The following SP100 variants were observed in gnomAD, a reference collection of about 807,000 sequenced individuals.
SP100 encodes SP100 nuclear body protein, also known as nuclear autoantigen Sp-100.
A neutral mutation model predicts 130.0 loss-of-function variants in SP100; 84 were observed. That is an observed-to-expected ratio of 0.65 (90% CI 0.54 to 0.77). SP100 has a LOEUF of 0.77. Among genes scored for constraint, SP100 ranks in the 30% least tolerant of loss-of-function variants. The pLI, the probability that SP100 is intolerant of heterozygous loss-of-function variation, is 0.00. For missense variants in SP100, 978 were observed against 1,052.2 expected (o/e 0.93, Z 0.97); for synonymous variants, 331 against 351.7 (o/e 0.94, Z 0.66).
At chr2:230,486,038 G>A (rs926842391) in intron 17 of SP100, among the ~76,000 whole-genome samples, 1 of 149,822 alleles carries the variant, frequency 6.7e-6, no homozygotes, top group Non-Finnish European at 1.5e-5. Flanking sequence ...TCACACTGTT[G>A]TAAAGATCTA....
intron 24 of SP100, chr2:230,515,287 T>A (rs1163218048): frequency 6.2e-7 from 1 of 1,611,388 alleles, no homozygotes; most frequent in South Asian, 1.1e-5. Context: ...AAAAAAGAAG[T>A]TCAAGGATCC....
At chr2:230,510,890 G>T in intron 23 of SP100, 1 of 565,202 alleles carries the variant, frequency 1.8e-6, no homozygotes, top group East Asian at 3.0e-5. Flanking sequence ...TTTCACGAAG[G>T]CCTGCCTTGG....
chr2:230,462,355 C>T, intron 9 of SP100, 80 bp from the exon 10 acceptor site: 1 of 1,079,488 alleles, frequency 9.3e-7, no homozygotes, highest in Non-Finnish European at 1.4e-6. Flanking sequence ...CTTCCTAGTG[C>T]TCTCATTGTG....
At chr2:230,432,174 C>T (rs866126802) in intron 2 of SP100, among the ~76,000 whole-genome samples, 1 of 152,160 alleles carries the variant, frequency 6.6e-6, no homozygotes, top group Non-Finnish European at 1.5e-5. Context: ...TTTCATCGAA[C>T]GTAATATTTT....
chr2:230,519,336 T>C (rs1347917202), intron 24 of SP100, among the ~76,000 whole-genome samples: 2 of 152,242 alleles, frequency 1.3e-5, no homozygotes, highest in Admixed American at 6.5e-5. Flanking sequence ...AAGCTTGCAA[T>C]AACTCATCGG....
intron 19 of SP100, among the ~76,000 whole-genome samples, chr2:230,502,101 C>A (rs1480850738): frequency 6.7e-6 from 1 of 149,610 alleles, no homozygotes; most frequent in African/African-American, 2.5e-5. Flanking sequence ...TGGTTTTGAA[C>A]TCCTGACCTC....
rs756432854 is a variant in SP100, at chr2:230,466,263, T to TG, written c.1142-37dup. On this transcript the variant is annotated intron_variant, in intron 11 of 28. Coordinates refer to ENST00000340126, the MANE Select transcript of SP100 (RefSeq NM_001080391.2). The stretch of plus-strand genomic sequence containing the variant: ...GTTGTCATAGAATTTATAAGTCTCT[T>TG]GCATACAAATAACGGGTTTCTCCCT... 3 of 1,203,136 alleles carry TG rather than the reference T, an allele frequency of 2.5e-6. No individual in the cohort carries two copies. In the African/African-American group the frequency reaches 4.6e-5, roughly 18 times the overall value. 74.5% of individuals were successfully genotyped at this position (1,203,136 alleles called of 1,614,324 possible).
At position 230,417,519 on chromosome 2, in the gene SP100, A is replaced by G. The variant is rs76684240; in HGVS notation, c.33-72A>G. 3,571 of 1,548,306 alleles carry G rather than the reference A, an allele frequency of 2.3e-3. 66 individuals carry two copies. In the African/African-American group the frequency reaches 0.043, roughly 19 times the overall value. On this transcript the variant is annotated intron_variant, in intron 1 of 28. Transcript: ENST00000340126. ...CTAAACAAATATTTATCTTGTCTCT[A>G]AACCTTAAAAATGTAATTATTGAGG...
intron 24 of SP100, chr2:230,538,037 A>AT (rs1692014457): frequency 1.3e-5 from 2 of 152,238 alleles, no homozygotes; most frequent in African/African-American, 4.8e-5. Context: ...GTTCTCAACT[A>AT]TTGACTGCAC....
intron 24 of SP100, among the ~76,000 whole-genome samples, chr2:230,528,874 C>T (rs926934496): frequency 6.6e-6 from 1 of 152,116 alleles, no homozygotes; most frequent in Non-Finnish European, 1.5e-5. Flanking sequence ...AAAGACTAAA[C>T]CAGGAAAAAG....
At chr2:230,519,463 C>T (rs938764756) in intron 24 of SP100, among the ~76,000 whole-genome samples, 6 of 152,126 alleles carry the variant, frequency 3.9e-5, no homozygotes, top group African/African-American at 1.2e-4. Context: ...AACGTAAATA[C>T]GTTTTCCCCC....
intron 24 of SP100, among the ~76,000 whole-genome samples, chr2:230,520,968 C>A (rs1691144973): frequency 1.3e-5 from 2 of 152,186 alleles, no homozygotes; most frequent in African/African-American, 4.8e-5. Flanking sequence ...AGTCAGCACC[C>A]TTTTCAGGGT....
intron 8 of SP100, among the ~76,000 whole-genome samples, chr2:230,458,432 T>C (rs575935409): frequency 1.4e-4 from 21 of 152,108 alleles, no homozygotes; most frequent in South Asian, 8.3e-4. Context: ...GTCTGAGGGG[T>C]GGCAGAGGTG....
intron 8 of SP100, among the ~76,000 whole-genome samples, chr2:230,450,852 T>C (rs1488400591): frequency 6.6e-6 from 1 of 152,198 alleles, no homozygotes; most frequent in African/African-American, 2.4e-5. Flanking sequence ...ATGTATTTCA[T>C]TGTGTATATA....
At position 230,506,362 on chromosome 2, in the gene SP100, G is replaced by T. The variant is rs1690105687; in HGVS notation, c.1930G>T (p.Glu644Ter). The T allele has an allele frequency of 7.4e-6, 12 of 1,614,006 alleles. No homozygotes were observed. Among genetic ancestry groups the T allele is most frequent in the Non-Finnish European group, 1.0e-5 (12 of 1,179,868 alleles). The change falls in exon 22 of 29, where the codon GAA becomes TAA. Residue 644 changes from glutamate (E) to a stop codon, truncating the protein, a stop_gained. Transcript: ENST00000340126. LOFTEE classifies it high-confidence loss of function. ...DKKWFTPREF[E>*]IEGDRGASKN... ...AAAGTGGTTCACTCCCAGGGAATTT[G>T]AAATTGAAGGAGACCGCGGAGCATC...
At chr2:230,444,096 A>G (rs2063584587) in intron 3 of SP100, 82 bp from the exon 4 acceptor site, 10 of 1,032,326 alleles carry the variant, frequency 9.7e-6, no homozygotes, top group Non-Finnish European at 1.4e-5. Context: ...ATTAGAATAC[A>G]GTAACCATAG....
chr2:230,468,491 G>C lies in SP100; in HGVS notation c.1292-552G>C, dbSNP rs575771323. Among the ~76,000 whole-genome samples, 545 of 152,146 alleles carry C rather than the reference G, an allele frequency of 3.6e-3. 2 individuals carry two copies. The highest frequency in any genetic ancestry group is 0.012 in the African/African-American group (513 of 41,502). On this transcript the variant is annotated intron_variant, in intron 13 of 28. Coordinates refer to ENST00000340126, the MANE Select transcript of SP100 (RefSeq NM_001080391.2). ...CCAAATTAGTTAGCTGCAAACCTAT[G>C]AAAACAATACTGGTTATTAAAATAT...
intron 15 of SP100, among the ~76,000 whole-genome samples, chr2:230,472,210 C>A (rs975116112): frequency 3.3e-5 from 5 of 151,874 alleles, no homozygotes; most frequent in African/African-American, 4.8e-5. Context: ...GGGCGGATCA[C>A]GAGGTCAGGA....
intron 4 of SP100, among the ~76,000 whole-genome samples, chr2:230,445,197 C>T (rs758558389): frequency 3.3e-5 from 5 of 152,268 alleles, no homozygotes; most frequent in Middle Eastern, 3.4e-3. Flanking sequence ...AAATGGTACA[C>T]GTTAAAGACG....
Sources: gnomAD v4.1 joint callset for allele counts (sites outside exome capture counted in the v4.1 genomes callset) on GRCh38, gnomAD v4.1.1 for gene constraint, MANE v1.5 for transcripts, NCBI Gene and HGNC (gene_info 2026-07-23, HGNC 2026-07-21) for gene names.